The following HTR2C variants were observed in gnomAD, a reference collection of about 807,000 sequenced individuals.
HTR2C encodes 5-hydroxytryptamine (serotonin) receptor 2C, G protein-coupled.
A neutral mutation model predicts 21.0 loss-of-function variants in HTR2C; 5 were observed. The observed-to-expected ratio is 0.24, with a 90% CI of 0.12 to 0.50. HTR2C has a LOEUF of 0.50. Ranked by LOEUF, HTR2C falls within the 20% of genes least tolerant of loss-of-function variation. The probability of loss-of-function intolerance (pLI) is 0.98; values close to 1 mark genes in which losing one functional copy is unlikely to be tolerated. For synonymous variants in HTR2C, 150 were observed against 145.3 expected (o/e 1.03, Z -0.23); for missense variants, 271 against 371.2 (o/e 0.73, Z 2.22).
chrX:114,816,266 T>TAGATAGATA (rs112900369), intron 4 of HTR2C, among the ~76,000 whole-genome samples: 2 of 102,881 alleles, frequency 1.9e-5, no homozygotes, highest in African/African-American at 3.6e-5. Context: ...GATAGATAGA[T>TAGATAGATA]GATAGATAGA....
At chrX:114,709,541 C>G (rs997701694) in intron 2 of HTR2C, among the ~76,000 whole-genome samples, 11 of 112,153 alleles carry the variant, frequency 9.8e-5, no homozygotes, top group African/African-American at 3.2e-4. Flanking sequence ...AAGAAAGCAA[C>G]TGTGAGATTT....
At chrX:114,833,492 G>A (rs782288661) in intron 4 of HTR2C, among the ~76,000 whole-genome samples, 1 of 111,528 alleles carries the variant, frequency 9.0e-6, no homozygotes, top group African/African-American at 3.3e-5. Flanking sequence ...TTGCGTAGAG[G>A]TGTTTGTAGT....
chrX:114,640,635 A>G (rs924910670), intron 2 of HTR2C, among the ~76,000 whole-genome samples: 2 of 112,257 alleles, frequency 1.8e-5, no homozygotes, highest in Non-Finnish European at 3.8e-5. Context: ...GCATATTTTT[A>G]AAATTATTGA....
intron 5 of HTR2C, among the ~76,000 whole-genome samples, chrX:114,864,853 T>C (rs781996277): frequency 9.2e-6 from 1 of 108,390 alleles, no homozygotes; most frequent in African/African-American, 3.3e-5. Context: ...TGGCTGACAG[T>C]TTTGTTTGCT....
chrX:114,776,200 T>C, intron 4 of HTR2C: 1 of 558,891 alleles, frequency 1.8e-6, no homozygotes, highest in Non-Finnish European at 3.3e-6. Context: ...ACACATTTCT[T>C]TCAGCTCCAA....
chrX:114,740,508 T>C (rs1295509456), intron 4 of HTR2C, among the ~76,000 whole-genome samples: 1 of 111,916 alleles, frequency 8.9e-6, no homozygotes, highest in Non-Finnish European at 1.9e-5. Flanking sequence ...AACATATATA[T>C]GTGTGAGATT....
chrX:114,620,324 G>A (rs941462895), intron 2 of HTR2C, among the ~76,000 whole-genome samples: 2 of 112,110 alleles, frequency 1.8e-5, no homozygotes, highest in Non-Finnish European at 3.8e-5. Context: ...CATGCAGCAC[G>A]AGGTTCACAT....
chrX:114,905,847 G>A (rs181017907), intron 5 of HTR2C, among the ~76,000 whole-genome samples: 35 of 111,280 alleles, frequency 3.1e-4, no homozygotes, highest in Middle Eastern at 4.6e-3. Flanking sequence ...TTTATTGAAG[G>A]AAGTGCTTCC....
intron 5 of HTR2C, among the ~76,000 whole-genome samples, chrX:114,880,062 C>T (rs1380944299): frequency 9.1e-6 from 1 of 109,864 alleles, no homozygotes; most frequent in Non-Finnish European, 1.9e-5. Context: ...TAATATAATT[C>T]ATATATCATA....
chrX:114,656,896 GA>G lies in HTR2C; in HGVS notation c.-80+43024del, dbSNP rs199990496. On this transcript the variant is annotated intron_variant, in intron 2 of 5. Coordinates refer to ENST00000276198, the MANE Select transcript of HTR2C (RefSeq NM_000868.4). ...TATTGACCTAGAAAAGGACATATGT[GA>G]AAAAAAAACTAAAAATATTAAATAT... Among the ~76,000 whole-genome samples, 16 of 106,674 alleles carry G rather than the reference GA, an allele frequency of 1.5e-4. No homozygotes were observed. The East Asian group carries it at 3.8e-3, about 25-fold the overall frequency. The allele number at this position is 106,674 out of a possible 115,157, so 92.6% of individuals were successfully genotyped here.
chrX:114,675,987 G>A (rs1229096435), intron 2 of HTR2C, among the ~76,000 whole-genome samples: 4 of 106,167 alleles, frequency 3.8e-5, no homozygotes, highest in South Asian at 4.2e-4. Context: ...CTCCTGCCTC[G>A]GCCCCCCAAG....
chrX:114,830,623 T>C (rs1556460348), intron 4 of HTR2C, among the ~76,000 whole-genome samples: 1 of 105,079 alleles, frequency 9.5e-6, no homozygotes, highest in African/African-American at 3.4e-5. Flanking sequence ...AGTTTCTTTA[T>C]ATTTTATTTT....
chrX:114,597,218 C>CAAAAA (rs782280036), intron 1 of HTR2C, among the ~76,000 whole-genome samples: 29 of 44,147 alleles, frequency 6.6e-4, no homozygotes, highest in Admixed American at 1.4e-3. Context: ...ATTTCATCTC[C>CAAAAA]AAAAAAAAAA....
intron 2 of HTR2C, among the ~76,000 whole-genome samples, chrX:114,714,761 T>C (rs782484934): frequency 4.0e-4 from 45 of 111,669 alleles, no homozygotes; most frequent in Middle Eastern, 9.3e-3. Context: ...ATAGAGGTCC[T>C]CTATTGCAAC....
At chrX:114,606,024 C>G (rs1469644344) in intron 1 of HTR2C, among the ~76,000 whole-genome samples, 1 of 102,880 alleles carries the variant, frequency 9.7e-6, no homozygotes, top group African/African-American at 3.6e-5. Flanking sequence ...GATAAGAGGT[C>G]AGGGTGCAGA....
At chrX:114,615,793 C>T (rs1442827300) in intron 2 of HTR2C, among the ~76,000 whole-genome samples, 1 of 111,899 alleles carries the variant, frequency 8.9e-6, no homozygotes, top group Non-Finnish European at 1.9e-5. Flanking sequence ...GGCCTGTGCA[C>T]CCCTCTTTGT....
chrX:114,711,810 A>C (rs1932896255), intron 2 of HTR2C, among the ~76,000 whole-genome samples: 1 of 112,078 alleles, frequency 8.9e-6, no homozygotes, highest in Non-Finnish European at 1.9e-5. Context: ...AACTTTTATC[A>C]CTGTGCCTGG....
At chrX:114,612,234 A>G (rs1232595351) in intron 1 of HTR2C, among the ~76,000 whole-genome samples, 1 of 111,825 alleles carries the variant, frequency 8.9e-6, no homozygotes, top group African/African-American at 3.3e-5. Flanking sequence ...CTTGTCCTCA[A>G]TATAATAATT....
At chrX:114,645,990 A>C (rs2147830287) in intron 2 of HTR2C, among the ~76,000 whole-genome samples, 1 of 111,945 alleles carries the variant, frequency 8.9e-6, no homozygotes, top group South Asian at 3.7e-4. Flanking sequence ...GTGCAATCAA[A>C]AGGTCTAAGG....
Sources: gnomAD v4.1 joint callset for allele counts (sites outside exome capture counted in the v4.1 genomes callset) on GRCh38, gnomAD v4.1.1 for gene constraint, MANE v1.5 for transcripts, NCBI Gene and HGNC (gene_info 2026-07-23, HGNC 2026-07-21) for gene names.